The following ADAM12 variants were observed in gnomAD, a reference collection of about 807,000 sequenced individuals.
ADAM12 encodes ADAM metallopeptidase domain 12, also known as disintegrin and metalloproteinase domain-containing protein 12.
ADAM12 carries 70 observed loss-of-function variants against 106.4 expected under a neutral mutation model. That is an observed-to-expected ratio of 0.66 (90% CI 0.54 to 0.80). The LOEUF (loss-of-function observed/expected upper bound fraction) is 0.80, where lower values mean the gene tolerates loss of function less well. Among genes scored for constraint, ADAM12 ranks in the 30% least tolerant of loss-of-function variants. ADAM12 has a pLI of 0.00. For missense variants in ADAM12, 1,010 were observed against 1,171.9 expected, an observed-to-expected ratio of 0.86 and a Z score of 2.02; for synonymous variants, 420 against 433.5, an observed-to-expected ratio of 0.97 and a Z score of 0.39.
intron 2 of ADAM12, among the ~76,000 whole-genome samples, chr10:126,326,683 C>A (rs139256458): frequency 1.3e-5 from 2 of 152,140 alleles, no homozygotes; most frequent in Admixed American, 6.5e-5. Flanking sequence ...CTCACTTGCA[C>A]GTCCTGCTCC....
intron 21 of ADAM12, among the ~76,000 whole-genome samples, chr10:126,020,069 G>A (rs1339864835): frequency 6.6e-6 from 1 of 152,184 alleles, no homozygotes; most frequent in Non-Finnish European, 1.5e-5. Context: ...CTGGGCCCTG[G>A]GGTAGCGTTG....
chr10:126,029,757 T>A (rs972872072), intron 21 of ADAM12, among the ~76,000 whole-genome samples: 4 of 152,202 alleles, frequency 2.6e-5, no homozygotes, highest in African/African-American at 9.7e-5. Flanking sequence ...AAAGAAAATC[T>A]TAAACCTGTG....
intron 1 of ADAM12, among the ~76,000 whole-genome samples, chr10:126,334,208 G>C (rs1356307688): frequency 6.6e-6 from 1 of 152,132 alleles, no homozygotes; most frequent in Non-Finnish European, 1.5e-5. Context: ...CACGGGACCT[G>C]AATGATGGAT....
chr10:126,307,747 C>T lies in ADAM12; in HGVS notation c.186+22665G>A, dbSNP rs976447390. 2.0e-5 allele frequency among the ~76,000 whole-genome samples: 3 copies of T among 152,012 alleles called. No individual in the cohort carries two copies. The East Asian group carries it at 5.8e-4, about 29-fold the overall frequency. On this transcript the variant is annotated intron_variant, in intron 2 of 22. Coordinates refer to ENST00000448723, the MANE Select transcript of ADAM12 (RefSeq NM_001288973.2). ...TAGAGACAGGGTTTCACTATGTTGGCCAGGCTGGGGAATTTTTGTATTTTT... is the reference window on the plus strand; with the variant it reads ...TAGAGACAGGGTTTCACTATGTTGGTCAGGCTGGGGAATTTTTGTATTTTT...
At chr10:126,316,584 C>A (rs558695437) in intron 2 of ADAM12, among the ~76,000 whole-genome samples, 6 of 151,934 alleles carry the variant, frequency 3.9e-5, no homozygotes, top group South Asian at 2.1e-4. Context: ...TGGTTGGGCA[C>A]GGTGGTTCAT....
At chr10:126,387,927 A>AGCCCCGGGGCTCCGGAGAT (rs1564771604) in intron 1 of ADAM12, 131 bp downstream of exon 1, 70 of 1,127,256 alleles carry the variant, frequency 6.2e-5, no homozygotes, top group Middle Eastern at 3.7e-4. Context: ...TGGAAGCGCA[A>AGCCCCGGGGCTCCGGAGAT]GCCCCGGGGC....
At chr10:126,193,161 A>G (rs1026178726) in intron 3 of ADAM12, among the ~76,000 whole-genome samples, 1 of 147,746 alleles carries the variant, frequency 6.8e-6, no homozygotes, top group Non-Finnish European at 1.5e-5. Context: ...GCTATTCAGG[A>G]GGCTGAGGCA....
chr10:126,169,309 T>C (rs926610661), intron 3 of ADAM12, among the ~76,000 whole-genome samples: 3 of 152,234 alleles, frequency 2.0e-5, no homozygotes, highest in African/African-American at 7.2e-5. Context: ...CCTTGTTCGC[T>C]GCTCTCGCAA....
In ADAM12 at chr10:126,016,228, G is replaced by C. The variant is rs1297625820; in HGVS notation, c.*1051C>G. 1.3e-5 allele frequency: 2 copies of C among 152,110 alleles called. No individual in the cohort carries two copies. The highest frequency in any genetic ancestry group is 4.8e-5 in the African/African-American group (2 of 41,384). The allele number at this position is 152,110 out of a possible 1,614,324, so 9.4% of individuals were successfully genotyped here. ...TAGTTTTTGCAAGCATAAAGAGTCT[G>C]CCTAATTGTTAATAAGTTGAACCTT... On this transcript the variant is annotated 3_prime_UTR_variant, in exon 23 of 23. Transcript: ENST00000448723.
At position 126,122,664 on chromosome 10, in the gene ADAM12, T is replaced by C. The variant is rs111270822; in HGVS notation, c.417-4440A>G. On this transcript the variant is annotated intron_variant, in intron 5 of 22. Transcript: ENST00000448723. ...TAGTCCCAGCTACTTGGGAGGCTGA[T>C]GTGGGAGAATCGCTTGAACCCAGGA... Among the ~76,000 whole-genome samples, 896 of 152,068 alleles carry C rather than the reference T, an allele frequency of 5.9e-3. 11 individuals are homozygous for C. The highest frequency in any genetic ancestry group is 0.021 in the African/African-American group (861 of 41,496).
intron 14 of ADAM12, among the ~76,000 whole-genome samples, chr10:126,063,048 C>A (rs1954790360): frequency 6.6e-6 from 1 of 152,222 alleles, no homozygotes; most frequent in Admixed American, 6.5e-5. Flanking sequence ...GGGTGTCCCC[C>A]ACTGCTCCTG....
In ADAM12 at chr10:126,049,493, T is replaced by G; in HGVS notation, c.1719-42A>C. ...AAACAATTCCCAAGGAGAAACCATT[T>G]GGAACCAACCCTATGCAATGTGGGA... On this transcript the variant is annotated intron_variant, in intron 15 of 22. Transcript: ENST00000448723. The surrounding 1 kb of genome is among the most constrained non-coding windows in gnomAD (Gnocchi z 4.4). The G allele has an allele frequency of 6.2e-7, 1 of 1,613,878 alleles. No individual in the cohort carries two copies. The highest frequency in any genetic ancestry group is 8.5e-7 in the Non-Finnish European group (1 of 1,179,742).
chr10:126,133,882 ACCT>A (rs1442213002), intron 5 of ADAM12, among the ~76,000 whole-genome samples: 6 of 151,846 alleles, frequency 4.0e-5, no homozygotes, highest in African/African-American at 1.5e-4. Context: ...GGCTCACCTC[ACCT>A]CCTTCCGAAC....
Position 126,218,721 on chromosome 10 carries a change from A to G in ADAM12, c.260+60194T>C, listed in dbSNP as rs188850327. Among the ~76,000 whole-genome samples the G allele has an allele frequency of 1.9e-3, 288 of 152,308 alleles. 2 individuals carry two copies. The highest frequency in any genetic ancestry group is 6.7e-3 in the African/African-American group (279 of 41,552). On this transcript the variant is annotated intron_variant, in intron 3 of 22. Transcript: ENST00000448723. The stretch of plus-strand genomic sequence containing the variant: ...TTTATCCATGTTCAAAGGATATCCA[A>G]TGTCTGGACACAAAAGTGAACCCCA...
intron 3 of ADAM12, among the ~76,000 whole-genome samples, chr10:126,217,586 C>T (rs893625283): frequency 5.3e-5 from 8 of 150,500 alleles, no homozygotes; most frequent in Non-Finnish European, 7.4e-5. Flanking sequence ...AGGCTGGTCT[C>T]GAACTCCTGA....
intron 6 of ADAM12, among the ~76,000 whole-genome samples, chr10:126,117,820 A>G (rs2133620721): frequency 6.7e-6 from 1 of 150,256 alleles, no homozygotes; most frequent in South Asian, 2.1e-4. Context: ...GCATATTTTA[A>G]TGAGTCTGAG....
At chr10:126,041,674 GC>G (rs1307709870) in intron 18 of ADAM12, 1 of 994,546 alleles carries the variant, frequency 1.0e-6, no homozygotes, top group Non-Finnish European at 1.2e-6. Flanking sequence ...AATGCTAAAA[GC>G]CATATCAGAG....
chr10:126,167,679 C>A (rs1323827903), intron 3 of ADAM12, among the ~76,000 whole-genome samples: 1 of 152,142 alleles, frequency 6.6e-6, no homozygotes, highest in Non-Finnish European at 1.5e-5. Flanking sequence ...ACATACCACC[C>A]GCAAATAGTC....
intron 3 of ADAM12, among the ~76,000 whole-genome samples, chr10:126,198,387 G>A (rs760017981): frequency 3.9e-5 from 6 of 152,196 alleles, no homozygotes; most frequent in Non-Finnish European, 8.8e-5. Context: ...AGAAGGGCCC[G>A]GCAAGTCTCA....
Sources: allele counts gnomAD v4.1 joint callset (sites outside exome capture counted in the v4.1 genomes callset), GRCh38; gene constraint gnomAD v4.1.1; non-coding constraint Gnocchi (gnomAD v3.1); transcripts MANE v1.5; gene names NCBI Gene and HGNC (gene_info 2026-07-23, HGNC 2026-07-21).